TTLL13: variants seen among roughly 807,000 people sequenced by gnomAD.
TTLL13 encodes the protein tubulin polyglutamylase TTLL13.
At chr15:90,253,474 T>C in the TTLL13 span, 4 of 651,328 alleles carry the variant, frequency 6.1e-6, no homozygotes, top group African/African-American at 3.6e-5. Flanking sequence ...GGCTGTCCCC[T>C]TGTGCAGACA....
chr15:90,257,545 T>C, the TTLL13 span: 5 of 1,216,786 alleles, frequency 4.1e-6, no homozygotes, highest in Non-Finnish European at 5.9e-6. Context: ...CGAGAGATCC[T>C]CGGGAGGGGT....
chr15:90,257,828 C>A, the TTLL13 span: 1 of 1,180,208 alleles, frequency 8.5e-7, no homozygotes, highest in Non-Finnish European at 1.2e-6. Context: ...CCCAGGGAAA[C>A]TCAGCCTTTA....
the TTLL13 span, among the ~76,000 whole-genome samples, chr15:90,250,379 A>T: frequency 0.28 from 41,939 of 152,092 alleles, 6,678 homozygotes; most frequent in East Asian, 0.69. Flanking sequence ...TCCAGTGTGA[A>T]CCTGGATGAT....
chr15:90,264,009 G>A, the TTLL13 span: 3 of 1,536,130 alleles, frequency 2.0e-6, no homozygotes, highest in Non-Finnish European at 2.6e-6. Context: ...TGTCAATGAA[G>A]AAGGCTGGGA....
At chr15:90,254,650 C>T in the TTLL13 span, among the ~76,000 whole-genome samples, 1 of 151,388 alleles carries the variant, frequency 6.6e-6, no homozygotes, top group African/African-American at 2.4e-5. Context: ...CCAGCCTGGG[C>T]AACAGGCAAA....
At chr15:90,263,229 G>T in the TTLL13 span, 1 of 1,274,002 alleles carries the variant, frequency 7.8e-7, no homozygotes, top group Non-Finnish European at 1.1e-6. Flanking sequence ...AACAAAGGAG[G>T]CTTGTGTGAT....
At chr15:90,262,958 C>T in the TTLL13 span, 1 of 1,534,966 alleles carries the variant, frequency 6.5e-7, no homozygotes, top group South Asian at 1.2e-5. Context: ...CTCTCATGTA[C>T]CTTGTAGCTG....
the TTLL13 span, chr15:90,257,003 TG>T: frequency 1.2e-6 from 1 of 849,104 alleles, no homozygotes; most frequent in Non-Finnish European, 1.8e-6. Flanking sequence ...ATTTATTAAG[TG>T]GGAGTAATAA....
the TTLL13 span, chr15:90,251,470 T>C: frequency 2.2e-6 from 3 of 1,344,812 alleles, no homozygotes; most frequent in East Asian, 4.7e-5. Flanking sequence ...AGGAATTGTG[T>C]TGTGAATTTG....
the TTLL13 span, among the ~76,000 whole-genome samples, chr15:90,256,493 T>G: frequency 6.6e-6 from 1 of 152,234 alleles, no homozygotes. Context: ...TTCCCAGATA[T>G]GTGACCTTGG....
chr15:90,251,304 T>C, the TTLL13 span, among the ~76,000 whole-genome samples: 1 of 135,952 alleles, frequency 7.4e-6, no homozygotes, highest in Non-Finnish European at 1.6e-5. Flanking sequence ...TTTTGTATTT[T>C]TAGTAGAGAC....
the TTLL13 span, chr15:90,257,704 G>A: frequency 1.2e-6 from 2 of 1,614,136 alleles, no homozygotes; most frequent in South Asian, 2.2e-5. Context: ...GTCCGGGATG[G>A]CGCTGTGGGC....
At chr15:90,258,320 G>A in the TTLL13 span, 3 of 1,492,394 alleles carry the variant, frequency 2.0e-6, no homozygotes, top group South Asian at 2.3e-5. Context: ...AGGCCTCCTT[G>A]AATAGGACAC....
the TTLL13 span, chr15:90,262,466 T>A: frequency 6.9e-7 from 1 of 1,451,368 alleles, no homozygotes. Context: ...ATTTCTCTAC[T>A]GTCTGAAGCT....
chr15:90,257,264 C>T, the TTLL13 span: 17 of 1,612,292 alleles, frequency 1.1e-5, no homozygotes, highest in African/African-American at 1.3e-5. Context: ...CTATATGGAG[C>T]CCAGCCATAA....
At chr15:90,256,143 A>G in the TTLL13 span, 126 of 1,614,150 alleles carry the variant, frequency 7.8e-5, 1 homozygote, top group South Asian at 1.3e-3. Context: ...GCACATAGCT[A>G]TGGGGACTTC....
At chr15:90,257,854 G>GC in the TTLL13 span, 1 of 996,136 alleles carries the variant, frequency 1.0e-6, no homozygotes, top group East Asian at 2.5e-5. Context: ...CCTGTCCTGT[G>GC]CCTGCACTTT....
chr15:90,256,080 T>C, the TTLL13 span: 1 of 1,592,498 alleles, frequency 6.3e-7, no homozygotes, highest in Non-Finnish European at 8.6e-7. Flanking sequence ...AAGAGCTCCA[T>C]GCGGCCCCGG....
chr15:90,261,583 C>A, the TTLL13 span, among the ~76,000 whole-genome samples: 1 of 151,820 alleles, frequency 6.6e-6, no homozygotes, highest in East Asian at 2.0e-4. Context: ...ACTTGAGGTC[C>A]GGCCTTGCCA....
Sources: gnomAD v4.1 joint callset for allele counts (sites outside exome capture counted in the v4.1 genomes callset) on GRCh38, gnomAD v4.1.1 for gene constraint, MANE v1.5 for transcripts, NCBI Gene and HGNC (gene_info 2026-07-23, HGNC 2026-07-21) for gene names.